The following CSNK1G1 variants were observed in gnomAD, a reference collection of about 807,000 sequenced individuals.
The protein encoded by CSNK1G1 is casein kinase 1 gamma 1.
In CSNK1G1, 22 loss-of-function variants were observed where a neutral mutation model predicts 59.6. The ratio of observed to expected loss-of-function variants is 0.37; its 90% CI spans 0.26 to 0.53. The LOEUF (loss-of-function observed/expected upper bound fraction) is 0.53, where lower values mean the gene tolerates loss of function less well. Ranked by LOEUF, CSNK1G1 falls within the 20% of genes least tolerant of loss-of-function variation. The pLI, the probability that CSNK1G1 is intolerant of heterozygous loss-of-function variation, is 0.89. For synonymous variants in CSNK1G1, 179 were observed against 177.1 expected (o/e 1.01, Z -0.08); for missense variants, 384 against 519.5 (o/e 0.74, Z 2.54).
In CSNK1G1 at chr15:64,300,634, T is replaced by C. The variant is rs114713921; in HGVS notation, c.-135A>G. On this transcript the variant is annotated 5_prime_UTR_variant, in exon 2 of 12. Coordinates refer to ENST00000303052, the MANE Select transcript of CSNK1G1 (RefSeq NM_022048.5). ...GTTCTTTTAGCACCATATTTGTTTG[T>C]AATGTATCTCCGGGAGATGAAAAAC... 0.019 allele frequency: 25,344 copies of C among 1,360,128 alleles called. 2,017 individuals are homozygous for C. The South Asian group carries it at 0.28, about 15-fold the overall frequency. The allele number at this position is 1,360,128 out of a possible 1,614,324, so 84.3% of individuals were successfully genotyped here. A position where few individuals can be genotyped will look rare whatever the true frequency, so the allele number is the denominator to read the frequency against.
At chr15:64,196,863 C>CA (rs1460184185) in intron 10 of CSNK1G1, among the ~76,000 whole-genome samples, 1 of 151,866 alleles carries the variant, frequency 6.6e-6, no homozygotes, top group Non-Finnish European at 1.5e-5. Flanking sequence ...CAAACAGAGG[C>CA]AAAATGGCTC....
chr15:64,294,120 T>C (rs1894885501), intron 2 of CSNK1G1, among the ~76,000 whole-genome samples: 1 of 152,228 alleles, frequency 6.6e-6, no homozygotes, highest in South Asian at 2.1e-4. Context: ...TCTCCCAGGC[T>C]GGAGTGCAGT....
At chr15:64,240,656 C>T (rs1474394214) in intron 4 of CSNK1G1, among the ~76,000 whole-genome samples, 2 of 151,568 alleles carry the variant, frequency 1.3e-5, no homozygotes, top group Non-Finnish European at 2.9e-5. Context: ...AAAAAAAAAA[C>T]TCTCAGCCAA....
intron 1 of CSNK1G1, among the ~76,000 whole-genome samples, chr15:64,304,732 A>T (rs1001642626): frequency 5.3e-5 from 8 of 152,230 alleles, no homozygotes; most frequent in Non-Finnish European, 8.8e-5. Context: ...AGGTACATAA[A>T]TATTTAAATT....
Position 64,231,988 on chromosome 15 carries a change from T to C in CSNK1G1, c.293-15275A>G, listed in dbSNP as rs200916116. 1.2e-4 allele frequency among the ~76,000 whole-genome samples: 19 copies of C among 152,234 alleles called. No homozygotes were observed. In the East Asian group the frequency reaches 3.7e-3, roughly 29 times the overall value. On this transcript the variant is annotated intron_variant, in intron 4 of 11. Transcript: ENST00000303052. The stretch of plus-strand genomic sequence containing the variant: ...TTGGCCCTCAAATTACCCAGCATAG[T>C]GGTAGCTATAAACACAGTGATGTGT...
intron 1 of CSNK1G1, among the ~76,000 whole-genome samples, chr15:64,332,675 TA>T (rs773287028): frequency 1.6e-5 from 2 of 126,202 alleles, no homozygotes; most frequent in Non-Finnish European, 3.4e-5. Context: ...AAAGTATAAT[TA>T]AAAATAAAAT....
chr15:64,350,175 G>A (rs1003057229), intron 1 of CSNK1G1, among the ~76,000 whole-genome samples: 1 of 151,944 alleles, frequency 6.6e-6, no homozygotes, highest in African/African-American at 2.4e-5. Flanking sequence ...TCAACAAGTG[G>A]ACTATGTTAA....
At chr15:64,218,487 G>A (rs1371375057) in intron 4 of CSNK1G1, among the ~76,000 whole-genome samples, 3 of 151,474 alleles carry the variant, frequency 2.0e-5, no homozygotes, top group East Asian at 2.0e-4. Context: ...CCGCCTCCTG[G>A]GTTCAAGCAA....
At chr15:64,205,328 C>G (rs2082162598) in intron 7 of CSNK1G1, among the ~76,000 whole-genome samples, 2 of 152,124 alleles carry the variant, frequency 1.3e-5, no homozygotes, top group African/African-American at 2.4e-5. Context: ...TAGATCAGCT[C>G]TAAAAGTACT....
At chr15:64,251,211 TAAAGA>T (rs1892062431) in intron 4 of CSNK1G1, among the ~76,000 whole-genome samples, 1 of 152,062 alleles carries the variant, frequency 6.6e-6, no homozygotes, top group Admixed American at 6.6e-5. Context: ...TTGGTATAAG[TAAAGA>T]AAAGAGAATG....
intron 3 of CSNK1G1, among the ~76,000 whole-genome samples, chr15:64,252,416 C>A (rs1006984336): frequency 2.6e-5 from 4 of 152,042 alleles, no homozygotes. Flanking sequence ...TACTATGCTG[C>A]CTAGGCTGGT....
At chr15:64,336,977 C>T (rs1897420428) in intron 1 of CSNK1G1, among the ~76,000 whole-genome samples, 2 of 152,090 alleles carry the variant, frequency 1.3e-5, no homozygotes, top group African/African-American at 2.4e-5. Context: ...CCTGTAATCC[C>T]AGCACTTCAG....
In CSNK1G1 at chr15:64,191,564, A is replaced by T. The variant is rs138247928; in HGVS notation, c.1108-11110T>A. Among the ~76,000 whole-genome samples, 1,053 of 152,320 alleles carry T rather than the reference A, an allele frequency of 6.9e-3. 7 individuals carry two copies. The highest frequency in any genetic ancestry group is 0.012 in the Non-Finnish European group (795 of 68,032). ...TTCTTTATATTCATTCTAGTTCAAT[A>T]AATAATTTGTTGAAAGATTTAAGAT... On this transcript the variant is annotated intron_variant, in intron 10 of 11. Transcript: ENST00000303052.
intron 1 of CSNK1G1, among the ~76,000 whole-genome samples, chr15:64,304,931 A>T (rs1895583618): frequency 6.6e-6 from 1 of 152,182 alleles, no homozygotes; most frequent in Non-Finnish European, 1.5e-5. Flanking sequence ...TTCATCCACC[A>T]CACATTGCTT....
intron 4 of CSNK1G1, among the ~76,000 whole-genome samples, chr15:64,236,336 G>T (rs957060377): frequency 2.0e-5 from 3 of 152,058 alleles, no homozygotes; most frequent in African/African-American, 7.2e-5. Context: ...CACAGCAAAA[G>T]AAATAATCAA....
intron 7 of CSNK1G1, among the ~76,000 whole-genome samples, chr15:64,206,876 T>G (rs1395657840): frequency 6.6e-6 from 1 of 152,212 alleles, no homozygotes; most frequent in African/African-American, 2.4e-5. Flanking sequence ...TTAGTTCAGG[T>G]GAGTTCTTAG....
chr15:64,242,151 C>A (rs1054165036), intron 4 of CSNK1G1, among the ~76,000 whole-genome samples: 1 of 152,110 alleles, frequency 6.6e-6, no homozygotes, highest in Non-Finnish European at 1.5e-5. Context: ...CAAAACTGAA[C>A]CATGAAAAAC....
chr15:64,309,285 AG>A (rs1231691083), intron 1 of CSNK1G1, among the ~76,000 whole-genome samples: 1 of 148,576 alleles, frequency 6.7e-6, no homozygotes, highest in Admixed American at 6.9e-5. Context: ...TAGCATGGTA[AG>A]TTCTCAAATA....
At chr15:64,313,885 A>T (rs1418189076) in intron 1 of CSNK1G1, among the ~76,000 whole-genome samples, 1 of 144,844 alleles carries the variant, frequency 6.9e-6, no homozygotes, top group Non-Finnish European at 1.5e-5. Flanking sequence ...AAAAAAAATT[A>T]ATAAATAACT....
Sources: gnomAD v4.1 joint callset for allele counts (sites outside exome capture counted in the v4.1 genomes callset) on GRCh38, gnomAD v4.1.1 for gene constraint, MANE v1.5 for transcripts, NCBI Gene and HGNC (gene_info 2026-07-23, HGNC 2026-07-21) for gene names.